Variants in RIMS2 observed in about 807,000 individuals in gnomAD.
The protein encoded by RIMS2 is regulating synaptic membrane exocytosis 2.
A neutral mutation model predicts 174.4 loss-of-function variants in RIMS2; 59 were observed. That is an observed-to-expected ratio of 0.34 (90% CI 0.27 to 0.42). The LOEUF (loss-of-function observed/expected upper bound fraction) is 0.42. RIMS2 is among the 10% of genes least tolerant of loss of function. The pLI is 1.00. For missense variants in RIMS2, 1,620 were observed against 1,666.3 expected, an observed-to-expected ratio of 0.97 and a Z score of 0.48; for synonymous variants, 606 against 572.5, an observed-to-expected ratio of 1.06 and a Z score of -0.84.
Position 104,129,250 on chromosome 8 carries a change from G to C in RIMS2, c.3334+114635G>C, listed in dbSNP as rs961526412. ...AAAAAAAAAAAAGTAGCCACGTGTG[G>C]CAGTGCAATCCTGTAGGTCTAGCTA... is the stretch of plus-strand genomic sequence containing the variant. On this transcript the variant is annotated intron_variant, in intron 19 of 23. Transcript: ENST00000504942. Among the ~76,000 whole-genome samples, 6 of 151,938 alleles carry C rather than the reference G, an allele frequency of 3.9e-5. No homozygotes were observed. In the East Asian group the frequency reaches 1.2e-3, roughly 29 times the overall value.
chr8:103,739,217 A>G (rs1564461567), intron 2 of RIMS2, among the ~76,000 whole-genome samples: 2 of 152,214 alleles, frequency 1.3e-5, no homozygotes, highest in Non-Finnish European at 2.9e-5. Flanking sequence ...GGATGAGTTC[A>G]TGTCCTTTGT....
intron 19 of RIMS2, among the ~76,000 whole-genome samples, chr8:104,100,254 G>A (rs527520810): frequency 1.3e-5 from 2 of 152,020 alleles, no homozygotes; most frequent in South Asian, 2.1e-4. Flanking sequence ...ATTTTTAATT[G>A]TTCATTGCTA....
At chr8:103,834,687 T>C (rs1217271918) in intron 3 of RIMS2, among the ~76,000 whole-genome samples, 4 of 54,616 alleles carry the variant, frequency 7.3e-5, no homozygotes, top group Non-Finnish European at 1.0e-4. Flanking sequence ...TTTCTTTCTT[T>C]CTTTCTTTCT....
At chr8:103,673,882 C>A (rs74935240) in intron 1 of RIMS2, among the ~76,000 whole-genome samples, 1 of 152,142 alleles carries the variant, frequency 6.6e-6, no homozygotes, top group African/African-American at 2.4e-5. Context: ...GCTCTATTTC[C>A]TTTGAAATGT....
At chr8:104,232,110 T>C (rs947447214) in intron 19 of RIMS2, among the ~76,000 whole-genome samples, 1 of 152,218 alleles carries the variant, frequency 6.6e-6, no homozygotes, top group South Asian at 2.1e-4. Context: ...TATGTGATCA[T>C]GTATTACATA....
intron 2 of RIMS2, among the ~76,000 whole-genome samples, chr8:103,726,233 T>C (rs1489970976): frequency 6.6e-6 from 1 of 152,200 alleles, no homozygotes; most frequent in Non-Finnish European, 1.5e-5. Context: ...AGCTTTTGAC[T>C]TAAGATATTT....
At chr8:104,219,232 G>A (rs977529461) in intron 19 of RIMS2, among the ~76,000 whole-genome samples, 5 of 151,998 alleles carry the variant, frequency 3.3e-5, no homozygotes, top group Admixed American at 6.6e-5. Flanking sequence ...ATGCATTGTC[G>A]ACATTTATTT....
intron 3 of RIMS2, among the ~76,000 whole-genome samples, chr8:103,787,795 T>A (rs1490849261): frequency 6.6e-6 from 1 of 152,184 alleles, no homozygotes; most frequent in East Asian, 1.9e-4. Context: ...TTCTCTGTAT[T>A]TCCTGAATCT....
intron 19 of RIMS2, among the ~76,000 whole-genome samples, chr8:104,103,582 A>G (rs79233643): frequency 0.017 from 2,618 of 152,086 alleles, 69 homozygotes; most frequent in African/African-American, 0.057. Context: ...TCCCTAAAAT[A>G]TTCATCTTTT....
intron 4 of RIMS2, among the ~76,000 whole-genome samples, chr8:103,894,754 AT>A (rs1171135262): frequency 1.3e-5 from 2 of 151,644 alleles, no homozygotes; most frequent in Non-Finnish European, 2.9e-5. Flanking sequence ...AGTTTCATCA[AT>A]AAAAATTGTG....
intron 2 of RIMS2, among the ~76,000 whole-genome samples, chr8:103,721,203 A>G (rs2097443156): frequency 6.6e-6 from 1 of 152,154 alleles, no homozygotes; most frequent in South Asian, 2.1e-4. Flanking sequence ...TCCTGAAGCC[A>G]TGTTTATATG....
chr8:104,008,738 A>G (rs2095665711), intron 17 of RIMS2, among the ~76,000 whole-genome samples: 1 of 151,946 alleles, frequency 6.6e-6, no homozygotes, highest in Non-Finnish European at 1.5e-5. Flanking sequence ...ACATCAATAT[A>G]TATATTATAC....
chr8:103,898,924 A>G (rs956159682), intron 4 of RIMS2, among the ~76,000 whole-genome samples: 2 of 143,850 alleles, frequency 1.4e-5, no homozygotes, highest in African/African-American at 5.3e-5. Flanking sequence ...CTTCCTGTCC[A>G]AGTGTTCTCA....
chr8:103,768,983 C>T, intron 3 of RIMS2: 1 of 362,124 alleles, frequency 2.8e-6, no homozygotes, highest in Non-Finnish European at 5.4e-6. Flanking sequence ...TGCAGGCTTT[C>T]CTGTCTGCAA....
At position 103,873,219 on chromosome 8, in the gene RIMS2, G is replaced by T. The variant is rs62527105; in HGVS notation, c.699-12079G>T. Among the ~76,000 whole-genome samples the T allele has an allele frequency of 3.9e-3, 598 of 152,184 alleles. 14 individuals carry two copies. The highest frequency in any genetic ancestry group is 4.7e-3 in the Non-Finnish European group (319 of 68,016). On this transcript the variant is annotated intron_variant, in intron 3 of 23. Coordinates refer to ENST00000504942, the Ensembl canonical transcript of RIMS2. ...CTTCTATTCTGCCCCTTAGGATAAG[G>T]AAGTGAGCATAAGTAGCAATTTCTT...
At chr8:103,802,628 T>C (rs1323493245) in intron 3 of RIMS2, among the ~76,000 whole-genome samples, 2 of 152,288 alleles carry the variant, frequency 1.3e-5, no homozygotes, top group East Asian at 3.9e-4. Flanking sequence ...AGAAAACTGG[T>C]TTGAAATAAA....
chr8:104,178,992 A>G (rs1021810626), intron 19 of RIMS2, among the ~76,000 whole-genome samples: 14 of 152,152 alleles, frequency 9.2e-5, no homozygotes, highest in Non-Finnish European at 5.9e-5. Flanking sequence ...ATTAAGTAGA[A>G]TGAGAGTATC....
At chr8:103,985,661 A>G (rs1345438171) in intron 16 of RIMS2, among the ~76,000 whole-genome samples, 1 of 152,114 alleles carries the variant, frequency 6.6e-6, no homozygotes, top group East Asian at 1.9e-4. Context: ...AAATTAAAAA[A>G]GATATCTGCA....
chr8:103,692,165 C>T (rs532164548), intron 1 of RIMS2, among the ~76,000 whole-genome samples: 2 of 152,128 alleles, frequency 1.3e-5, no homozygotes, highest in South Asian at 2.1e-4. Flanking sequence ...TAAAGCCAGC[C>T]CAGCCTTGTG....
Sources: allele counts gnomAD v4.1 joint callset (sites outside exome capture counted in the v4.1 genomes callset), GRCh38; gene constraint gnomAD v4.1.1; transcripts MANE v1.5; gene names NCBI Gene and HGNC (gene_info 2026-07-23, HGNC 2026-07-21).